ADGRV1: variants seen among roughly 807,000 people sequenced by gnomAD.
ADGRV1 encodes the protein G-protein coupled receptor 98.
Under a neutral mutation model 596.2 loss-of-function variants are expected in ADGRV1, and 359 were observed. That is an observed-to-expected ratio of 0.60 (90% CI 0.55 to 0.66). The LOEUF (loss-of-function observed/expected upper bound fraction) is 0.66. ADGRV1 is among the 30% of genes least tolerant of loss of function. ADGRV1 has a pLI of 0.00. For synonymous variants in ADGRV1, 2,681 were observed against 2,679.2 expected (o/e 1.00, Z -0.02); for missense variants, 7,274 against 7,575.6 (o/e 0.96, Z 1.48).
chr5:91,050,682 G>C (rs1158317776), intron 85 of ADGRV1, among the ~76,000 whole-genome samples: 1 of 151,966 alleles, frequency 6.6e-6, no homozygotes, highest in Non-Finnish European at 1.5e-5. Context: ...AACATAGAGA[G>C]ACCCTGGCTC....
Position 91,153,258 on chromosome 5 carries a change from G to A in ADGRV1, c.18662G>A (p.Gly6221Asp), listed in dbSNP as rs751219394. ...TGGGAGAGAGCATCCTTCCAACAGG[G>A]CAGTCAGGCCAGCCCTGATTTAAAG... is the stretch of plus-strand genomic sequence containing the variant. ...PDWERASFQQGSQASPDLKPS... is the reference protein window; with the variant it reads ...PDWERASFQQDSQASPDLKPS... The change falls in exon 89 of 90, where the codon GGC becomes GAC. Residue 6221 changes from glycine (G) to aspartate (D), a missense_variant. Physicochemically the swap from Gly to Asp is moderately conservative, Grantham distance 94. Transcript: ENST00000405460. 1 of 1,608,690 alleles carries A rather than the reference G, an allele frequency of 6.2e-7. No homozygotes were observed. Among genetic ancestry groups the A allele is most frequent in the South Asian group, 1.1e-5 (1 of 89,782 alleles).
chr5:90,805,178 G>A (rs1761783444), intron 71 of ADGRV1, 106 bp from the exon 72 acceptor site: 1 of 745,170 alleles, frequency 1.3e-6, no homozygotes, highest in South Asian at 3.5e-5. Context: ...TATGAGACAA[G>A]GATATATATT....
At chr5:90,684,647 G>A (rs1478565633) in intron 28 of ADGRV1, among the ~76,000 whole-genome samples, 1 of 152,170 alleles carries the variant, frequency 6.6e-6, no homozygotes, top group African/African-American at 2.4e-5. Flanking sequence ...GCCTTGTGGA[G>A]GGTTGAGGGG....
chr5:90,948,917 G>A lies in ADGRV1; in HGVS notation c.17857-16498G>A, dbSNP rs554951678. Among the ~76,000 whole-genome samples the A allele has an allele frequency of 5.3e-5, 8 of 152,010 alleles. No homozygotes were observed. In the South Asian group the frequency reaches 8.3e-4, roughly 16 times the overall value. On this transcript the variant is annotated intron_variant, in intron 83 of 89. Transcript: ENST00000405460. ...AATTGTAAGTCAAACATCATAAGTC[G>A]GGGCCGTCTGTGTATAAAATATTTA...
intron 86 of ADGRV1, among the ~76,000 whole-genome samples, chr5:91,082,406 A>C (rs1789470153): frequency 6.6e-6 from 1 of 152,140 alleles, no homozygotes. Context: ...AGCTCCCTGC[A>C]GCTTCAATCT....
At chr5:90,834,932 CTTTCTTTCTT>C (rs1764844948) in intron 77 of ADGRV1, among the ~76,000 whole-genome samples, 1 of 140,114 alleles carries the variant, frequency 7.1e-6, no homozygotes, top group Non-Finnish European at 1.6e-5. Context: ...TTCTTTCTTT[CTTTCTTTCTT>C]TTTCTTTCTC....
At chr5:90,595,793 C>T (rs1760392619) in intron 1 of ADGRV1, among the ~76,000 whole-genome samples, 3 of 142,370 alleles carry the variant, frequency 2.1e-5, no homozygotes, top group Admixed American at 1.4e-4. Context: ...GGGAGGCTGA[C>T]CCCCCCACCT....
intron 86 of ADGRV1, among the ~76,000 whole-genome samples, chr5:91,098,406 C>G (rs1415607065): frequency 6.6e-6 from 1 of 152,104 alleles, no homozygotes; most frequent in Non-Finnish European, 1.5e-5. Flanking sequence ...GTTTCAGGTC[C>G]TTTCACCAGC....
intron 1 of ADGRV1, among the ~76,000 whole-genome samples, chr5:90,600,468 T>C (rs540700983): frequency 6.6e-6 from 1 of 152,228 alleles, no homozygotes; most frequent in Non-Finnish European, 1.5e-5. Context: ...TCCGTGTCCC[T>C]GCAAAGGACA....
At chr5:90,911,242 T>A (rs938076250) in intron 83 of ADGRV1, among the ~76,000 whole-genome samples, 1 of 152,162 alleles carries the variant, frequency 6.6e-6, no homozygotes, top group Admixed American at 6.5e-5. Context: ...GACAGCATAA[T>A]GAGAATTCTA....
At chr5:90,895,318 G>A (rs1771207546) in intron 83 of ADGRV1, among the ~76,000 whole-genome samples, 1 of 152,186 alleles carries the variant, frequency 6.6e-6, no homozygotes, top group African/African-American at 2.4e-5. Flanking sequence ...TTAGCTAGTG[G>A]TAAGTGTAAC....
intron 74 of ADGRV1, among the ~76,000 whole-genome samples, chr5:90,815,011 G>T (rs1244808708): frequency 6.6e-6 from 1 of 151,280 alleles, no homozygotes; most frequent in South Asian, 2.1e-4. Flanking sequence ...TAGTATAATG[G>T]TACCCGTAAC....
intron 21 of ADGRV1, among the ~76,000 whole-genome samples, chr5:90,662,842 A>G (rs1394318580): frequency 6.6e-6 from 1 of 151,696 alleles, no homozygotes; most frequent in Non-Finnish European, 1.5e-5. Context: ...GTTCCCACCT[A>G]TGAGTGAGAA....
At chr5:90,799,694 G>A (rs1263875024) in intron 70 of ADGRV1, among the ~76,000 whole-genome samples, 1 of 152,180 alleles carries the variant, frequency 6.6e-6, no homozygotes, top group Non-Finnish European at 1.5e-5. Context: ...CAAGCCTACA[G>A]TAATCAAAAC....
chr5:90,605,413 TAAAA>T (rs59423334), intron 1 of ADGRV1, among the ~76,000 whole-genome samples: 1 of 137,396 alleles, frequency 7.3e-6, no homozygotes, highest in Non-Finnish European at 1.6e-5. Context: ...GACTACGTCT[TAAAA>T]AAAAAAAAAA....
intron 45 of ADGRV1, 123 bp from the exon 46 acceptor site, chr5:90,724,709 C>G (rs550903320): frequency 1.2e-6 from 1 of 812,188 alleles, no homozygotes; most frequent in Non-Finnish European, 2.1e-6. Context: ...CTCATACACA[C>G]GTCATGAAAG....
chr5:91,070,587 T>C (rs560683316), intron 85 of ADGRV1, among the ~76,000 whole-genome samples: 2 of 152,334 alleles, frequency 1.3e-5, no homozygotes, highest in African/African-American at 4.8e-5. Flanking sequence ...TGAGAACCTG[T>C]TTAACGTTCC....
chr5:90,588,512 A>C (rs371099619), intron 1 of ADGRV1, among the ~76,000 whole-genome samples: 1 of 152,324 alleles, frequency 6.6e-6, no homozygotes, highest in East Asian at 1.9e-4. Flanking sequence ...GACCAGAGTG[A>C]GTCTGAATGT....
At chr5:91,016,189 T>C (rs1783156886) in intron 85 of ADGRV1, among the ~76,000 whole-genome samples, 1 of 152,036 alleles carries the variant, frequency 6.6e-6, no homozygotes, top group Non-Finnish European at 1.5e-5. Flanking sequence ...AATCAGCCTT[T>C]AATTGGCTAA....
Sources: gnomAD v4.1 joint callset for allele counts (sites outside exome capture counted in the v4.1 genomes callset) on GRCh38, gnomAD v4.1.1 for gene constraint, MANE v1.5 for transcripts, NCBI Gene and HGNC (gene_info 2026-07-23, HGNC 2026-07-21) for gene names.